The following ZNF804B variants were observed in gnomAD, a reference collection of about 807,000 sequenced individuals.
ZNF804B encodes zinc finger protein 804B, also known as zinc finger 804B.
In ZNF804B, 80 loss-of-function variants were observed where a neutral mutation model predicts 101.4. That is an observed-to-expected ratio of 0.79 (90% CI 0.66 to 0.95). ZNF804B has a LOEUF of 0.95. Ranked by LOEUF, ZNF804B falls within the 40% of genes least tolerant of loss-of-function variation. The pLI is 0.00. For synonymous variants in ZNF804B, 622 were observed against 558.8 expected (o/e 1.11, Z -1.59); for missense variants, 1,673 against 1,561.9 (o/e 1.07, Z -1.20).
intron 1 of ZNF804B, among the ~76,000 whole-genome samples, chr7:89,037,257 T>G (rs916582353): frequency 1.1e-4 from 16 of 152,074 alleles, no homozygotes; most frequent in African/African-American, 3.6e-4. Context: ...TAGTAATCAT[T>G]TAGAATGTAC....
intron 1 of ZNF804B, among the ~76,000 whole-genome samples, chr7:89,036,403 T>C (rs1262582011): frequency 6.6e-6 from 1 of 151,952 alleles, no homozygotes; most frequent in Non-Finnish European, 1.5e-5. Flanking sequence ...ATGTTATTAA[T>C]ATTAGTATTA....
chr7:89,024,413 T>C (rs1788714504), intron 1 of ZNF804B, among the ~76,000 whole-genome samples: 1 of 152,076 alleles, frequency 6.6e-6, no homozygotes, highest in South Asian at 2.1e-4. Context: ...TCATGAAACA[T>C]GCAGATGATA....
chr7:89,205,438 A>T (rs1313329282), intron 1 of ZNF804B, among the ~76,000 whole-genome samples: 4 of 152,240 alleles, frequency 2.6e-5, no homozygotes, highest in African/African-American at 4.8e-5. Flanking sequence ...TAAAATCAAA[A>T]GCAACTTAGT....
At chr7:88,883,491 T>TCAA (rs1317697736) in intron 1 of ZNF804B, among the ~76,000 whole-genome samples, 4 of 152,080 alleles carry the variant, frequency 2.6e-5, no homozygotes, top group Non-Finnish European at 2.9e-5. Flanking sequence ...AAAACCTTAC[T>TCAA]CAACACACTT....
intron 1 of ZNF804B, among the ~76,000 whole-genome samples, chr7:89,103,068 T>TTTTTTTTG (rs1790084803): frequency 7.2e-6 from 1 of 138,914 alleles, no homozygotes; most frequent in African/African-American, 2.8e-5. Context: ...TTTTTTTTTT[T>TTTTTTTTG]TTTTTTTTTT....
At chr7:89,079,925 T>C (rs1789671214) in intron 1 of ZNF804B, among the ~76,000 whole-genome samples, 2 of 151,778 alleles carry the variant, frequency 1.3e-5, no homozygotes, top group Non-Finnish European at 2.9e-5. Context: ...AAGAGGAAAA[T>C]AGAGAATCAT....
chr7:89,187,484 C>CTATAATTGTAA (rs1312714443), intron 1 of ZNF804B, among the ~76,000 whole-genome samples: 1 of 152,124 alleles, frequency 6.6e-6, no homozygotes, highest in African/African-American at 2.4e-5. Flanking sequence ...GGTTTTCACA[C>CTATAATTGTAA]ATTCAAACTA....
intron 1 of ZNF804B, among the ~76,000 whole-genome samples, chr7:89,181,110 G>A (rs1788288943): frequency 6.6e-6 from 1 of 151,736 alleles, no homozygotes; most frequent in Non-Finnish European, 1.5e-5. Context: ...TTCCTCAAGT[G>A]GAAGGAAAGA....
chr7:88,874,398 C>A (rs987199428), intron 1 of ZNF804B, among the ~76,000 whole-genome samples: 1 of 151,498 alleles, frequency 6.6e-6, no homozygotes, highest in Admixed American at 6.6e-5. Flanking sequence ...TCTAGATATA[C>A]AATCATGTCG....
At chr7:88,800,551 T>A (rs540894715) in intron 1 of ZNF804B, among the ~76,000 whole-genome samples, 1 of 152,224 alleles carries the variant, frequency 6.6e-6, no homozygotes, top group Admixed American at 6.6e-5. Context: ...TCCCCATGAC[T>A]ATGTTTAGTA....
At chr7:88,849,772 T>G (rs1791424981) in intron 1 of ZNF804B, among the ~76,000 whole-genome samples, 1 of 151,686 alleles carries the variant, frequency 6.6e-6, no homozygotes, top group African/African-American at 2.4e-5. Flanking sequence ...AGATGGACAT[T>G]TCCATTCAAG....
At chr7:88,960,049 C>CT (rs1793368124) in intron 1 of ZNF804B, among the ~76,000 whole-genome samples, 1 of 151,404 alleles carries the variant, frequency 6.6e-6, no homozygotes. Flanking sequence ...ACAAAAAAGT[C>CT]TTTAAAATGT....
At chr7:89,172,067 G>T (rs539261687) in intron 1 of ZNF804B, among the ~76,000 whole-genome samples, 114 of 152,194 alleles carry the variant, frequency 7.5e-4, no homozygotes, top group African/African-American at 2.5e-3. Flanking sequence ...AAACCCTGTA[G>T]CTGAAAGGGC....
rs879541084 is a variant in ZNF804B at position 89,171,279 on chromosome 7, GCTGCTGCTGCTTCTT to G, written c.109-46873_109-46859del. 3.6e-3 allele frequency among the ~76,000 whole-genome samples: 253 copies of G among 70,590 alleles called. 4 individuals carry two copies. Among genetic ancestry groups the G allele is most frequent in the African/African-American group, 9.8e-3 (164 of 16,738 alleles). 46.3% of individuals were successfully genotyped at this position (70,590 alleles called of 152,430 possible). ...ACTCAATGAAGTAGGCACAAATAAT[GCTGCTGCTGCTTCTT>G]CTTCTTCTTCTTCTTCTTCTTCTTC... On this transcript the variant is annotated intron_variant, in intron 1 of 3. Transcript: ENST00000333190.
At chr7:89,206,662 G>T (rs1175935611) in intron 1 of ZNF804B, among the ~76,000 whole-genome samples, 2 of 152,170 alleles carry the variant, frequency 1.3e-5, no homozygotes, top group South Asian at 2.1e-4. Context: ...TGAGGCAGGA[G>T]AATTGCTTGA....
intron 1 of ZNF804B, among the ~76,000 whole-genome samples, chr7:89,210,837 T>C (rs1449681639): frequency 1.3e-5 from 2 of 152,250 alleles, no homozygotes; most frequent in Non-Finnish European, 2.9e-5. Flanking sequence ...TAGAATGACT[T>C]ATATTCCTTT....
At chr7:88,825,269 A>T (rs1040019914) in intron 1 of ZNF804B, among the ~76,000 whole-genome samples, 4 of 152,026 alleles carry the variant, frequency 2.6e-5, no homozygotes, top group Non-Finnish European at 5.9e-5. Flanking sequence ...GGTGGTGGTA[A>T]CTCCACAGCT....
chr7:88,932,309 G>A (rs1312738803), intron 1 of ZNF804B, among the ~76,000 whole-genome samples: 2 of 151,748 alleles, frequency 1.3e-5, no homozygotes, highest in African/African-American at 4.8e-5. Context: ...AAAGAGTACA[G>A]CTTAGACAAC....
intron 1 of ZNF804B, among the ~76,000 whole-genome samples, chr7:88,873,689 G>C (rs1488781222): frequency 6.6e-6 from 1 of 152,074 alleles, no homozygotes; most frequent in Non-Finnish European, 1.5e-5. Flanking sequence ...TCTACATATG[G>C]CGAGCCAGTT....
Sources: gnomAD v4.1 joint callset for allele counts (sites outside exome capture counted in the v4.1 genomes callset) on GRCh38, gnomAD v4.1.1 for gene constraint, MANE v1.5 for transcripts, NCBI Gene and HGNC (gene_info 2026-07-23, HGNC 2026-07-21) for gene names.